PDE1C: variants seen among roughly 807,000 people sequenced by gnomAD.
The protein encoded by PDE1C is phosphodiesterase 1C.
PDE1C carries 62 observed loss-of-function variants against 93.1 expected under a neutral mutation model. The ratio of observed to expected loss-of-function variants is 0.67; its 90% confidence interval spans 0.54 to 0.82. The LOEUF (loss-of-function observed/expected upper bound fraction) is 0.82. Among genes scored for constraint, PDE1C ranks in the 40% least tolerant of loss-of-function variants. The pLI is 0.00. For synonymous variants in PDE1C, 325 were observed against 310.1 expected, an observed-to-expected ratio of 1.05 and a Z score of -0.50; for missense variants, 742 against 884.6, an observed-to-expected ratio of 0.84 and a Z score of 2.04.
At chr7:31,968,647 G>T (rs935377690) in intron 2 of PDE1C, among the ~76,000 whole-genome samples, 1 of 152,110 alleles carries the variant, frequency 6.6e-6, no homozygotes, top group Admixed American at 6.5e-5. Flanking sequence ...AGCCCGCATC[G>T]CCAGGTCAAT....
intron 1 of PDE1C, among the ~76,000 whole-genome samples, chr7:32,212,605 T>C (rs1054616376): frequency 2.6e-5 from 4 of 152,116 alleles, no homozygotes; most frequent in South Asian, 2.1e-4. Context: ...ATGCGCTAGA[T>C]GGACAATCCC....
chr7:32,412,658 C>T (rs1295228609), intron 1 of PDE1C, among the ~76,000 whole-genome samples: 1 of 151,858 alleles, frequency 6.6e-6, no homozygotes, highest in African/African-American at 2.4e-5. Flanking sequence ...AATTTTTCAA[C>T]TCGATTAGCA....
the PDE1C span, among the ~76,000 whole-genome samples, chr7:31,691,663 G>A: frequency 6.6e-6 from 1 of 151,914 alleles, no homozygotes; most frequent in African/African-American, 2.4e-5. Context: ...TTGTTCTCAT[G>A]TCTGGAATCC....
chr7:31,885,192 A>C (rs1797721682), intron 2 of PDE1C, among the ~76,000 whole-genome samples: 1 of 152,200 alleles, frequency 6.6e-6, no homozygotes, highest in African/African-American at 2.4e-5. Context: ...AAATAAATTT[A>C]CAAGGAAGGA....
intron 1 of PDE1C, among the ~76,000 whole-genome samples, chr7:32,278,659 T>C (rs1398866198): frequency 6.6e-6 from 1 of 152,198 alleles, no homozygotes; most frequent in African/African-American, 2.4e-5. Context: ...CTGGACTAGC[T>C]CCAAGGCGAT....
intron 2 of PDE1C, among the ~76,000 whole-genome samples, chr7:32,175,855 T>C (rs1802950824): frequency 6.6e-6 from 1 of 152,234 alleles, no homozygotes; most frequent in Non-Finnish European, 1.5e-5. Context: ...GCAACACAAA[T>C]GAATCTTGTC....
chr7:31,787,882 T>A (rs560668156), intron 16 of PDE1C: 1 of 152,354 alleles, frequency 6.6e-6, no homozygotes, highest in East Asian at 1.9e-4. Context: ...CATAGCATCA[T>A]ATAATATAGC....
At chr7:32,088,757 A>T (rs1025164262) in intron 3 of PDE1C, among the ~76,000 whole-genome samples, 1 of 143,848 alleles carries the variant, frequency 7.0e-6, no homozygotes, top group Non-Finnish European at 1.5e-5. Flanking sequence ...CCACCCGTGA[A>T]ATGGTTCAGG....
intron 1 of PDE1C, among the ~76,000 whole-genome samples, chr7:32,065,084 G>C (rs866210030): frequency 2.9e-4 from 44 of 151,348 alleles, no homozygotes; most frequent in African/African-American, 1.0e-3. Flanking sequence ...GGGCCAGTGA[G>C]GGGGAGGTGG....
intron 2 of PDE1C, among the ~76,000 whole-genome samples, chr7:31,899,739 T>C (rs1025297311): frequency 2.0e-5 from 3 of 152,098 alleles, no homozygotes; most frequent in African/African-American, 7.2e-5. Context: ...CCTATGTAAA[T>C]AGCAGATTAA....
rs575686066 is a variant in PDE1C, at chr7:32,255,851, T to C, written c.85+42800A>G. Among the ~76,000 whole-genome samples, 4 of 152,264 alleles carry C rather than the reference T, an allele frequency of 2.6e-5. No individual in the cohort carries two copies. The South Asian group carries it at 8.3e-4, about 32-fold the overall frequency. ...AGTGGCAGAGGCTGGTGCAGATACT[T>C]GTGCAGATACAGAAAGGGCTGGTGG... On this transcript the variant is annotated intron_variant, in intron 1 of 18. Coordinates refer to the PDE1C transcript ENST00000396193.
At chr7:31,933,612 T>A (rs989613858) in intron 2 of PDE1C, among the ~76,000 whole-genome samples, 1 of 152,202 alleles carries the variant, frequency 6.6e-6, no homozygotes, top group African/African-American at 2.4e-5. Context: ...CATGTTGAAT[T>A]GTAATCCTCA....
intron 1 of PDE1C, among the ~76,000 whole-genome samples, chr7:32,311,645 G>T (rs1783043579): frequency 6.6e-6 from 1 of 152,060 alleles, no homozygotes. Flanking sequence ...CAGAACCAAA[G>T]ATAAAAACCA....
At chr7:32,181,736 A>G (rs1426750502) in intron 2 of PDE1C, among the ~76,000 whole-genome samples, 1 of 152,202 alleles carries the variant, frequency 6.6e-6, no homozygotes, top group Non-Finnish European at 1.5e-5. Flanking sequence ...CACAATTAAA[A>G]GAACTAGAAA....
chr7:31,904,541 T>A (rs1800360235), intron 2 of PDE1C, among the ~76,000 whole-genome samples: 1 of 151,988 alleles, frequency 6.6e-6, no homozygotes. Flanking sequence ...GTTTTATGTA[T>A]AAGTATTACT....
intron 16 of PDE1C, among the ~76,000 whole-genome samples, chr7:31,781,179 T>C (rs1288402761): frequency 6.6e-6 from 1 of 152,220 alleles, no homozygotes; most frequent in Non-Finnish European, 1.5e-5. Context: ...TTCACAAAGT[T>C]AGTGCTAAAG....
chr7:32,061,214 T>C (rs1048364198), intron 1 of PDE1C, among the ~76,000 whole-genome samples: 1 of 152,236 alleles, frequency 6.6e-6, no homozygotes, highest in South Asian at 2.1e-4. Flanking sequence ...ACTGATTGTC[T>C]AAATTATTGC....
intron 2 of PDE1C, among the ~76,000 whole-genome samples, chr7:32,007,250 C>T (rs1303963744): frequency 6.6e-6 from 1 of 152,164 alleles, no homozygotes; most frequent in Non-Finnish European, 1.5e-5. Flanking sequence ...TGTACATAGG[C>T]CATGTGTCCT....
At chr7:32,325,373 C>G (rs1271025293) in intron 1 of PDE1C, among the ~76,000 whole-genome samples, 2 of 151,424 alleles carry the variant, frequency 1.3e-5, no homozygotes, top group African/African-American at 4.9e-5. Flanking sequence ...CTGAAGATCT[C>G]ATTACCACTG....
Sources: gnomAD v4.1 joint callset for allele counts (sites outside exome capture counted in the v4.1 genomes callset) on GRCh38, gnomAD v4.1.1 for gene constraint, MANE v1.5 for transcripts, NCBI Gene and HGNC (gene_info 2026-07-23, HGNC 2026-07-21) for gene names.